CTNNA3: variants seen among roughly 807,000 people sequenced by gnomAD.
The protein encoded by CTNNA3 is catenin alpha-3.
Under a neutral mutation model 95.7 loss-of-function variants are expected in CTNNA3, and 76 were observed. The ratio of observed to expected loss-of-function variants is 0.79; its 90% CI spans 0.66 to 0.96. CTNNA3 has a LOEUF of 0.96. CTNNA3 is among the 40% of genes least tolerant of loss of function. The pLI is 0.00. For missense variants in CTNNA3, 1,191 were observed against 1,089.8 expected, an observed-to-expected ratio of 1.09 and a Z score of -1.31; for synonymous variants, 431 against 374.4, an observed-to-expected ratio of 1.15 and a Z score of -1.74.
intron 13 of CTNNA3, among the ~76,000 whole-genome samples, chr10:66,105,278 G>A (rs187691368): frequency 1.5e-3 from 235 of 152,134 alleles, no homozygotes; most frequent in Non-Finnish European, 2.6e-3. Flanking sequence ...ATCATATATC[G>A]CATTATTAGC....
intron 12 of CTNNA3, among the ~76,000 whole-genome samples, chr10:66,358,931 A>G (rs964609410): frequency 1.3e-5 from 2 of 152,100 alleles, no homozygotes; most frequent in African/African-American, 4.8e-5. Context: ...TTTTGCCCCT[A>G]TTCATTTTGT....
At chr10:66,334,790 A>G (rs1018241497) in intron 12 of CTNNA3, among the ~76,000 whole-genome samples, 2 of 151,956 alleles carry the variant, frequency 1.3e-5, no homozygotes, top group Non-Finnish European at 2.9e-5. Flanking sequence ...GCCTTGCTAG[A>G]TTGGGGAAGT....
At chr10:66,037,642 T>C (rs945885785) in intron 15 of CTNNA3, among the ~76,000 whole-genome samples, 2 of 147,104 alleles carry the variant, frequency 1.4e-5, no homozygotes, top group African/African-American at 5.0e-5. Context: ...CATGATATGA[T>C]ACATTCTCAT....
chr10:67,746,415 A>C (rs1416762406), intron 1 of CTNNA3, among the ~76,000 whole-genome samples: 1 of 152,154 alleles, frequency 6.6e-6, no homozygotes, highest in African/African-American at 2.4e-5. Flanking sequence ...TGAGATGGCT[A>C]ACTAGAAACA....
At chr10:66,571,850 A>G (rs1842875631) in intron 10 of CTNNA3, among the ~76,000 whole-genome samples, 2 of 152,160 alleles carry the variant, frequency 1.3e-5, no homozygotes. Flanking sequence ...CACGTCACAG[A>G]TGAAGCCGCC....
chr10:66,268,106 A>G (rs1253729667), intron 13 of CTNNA3, among the ~76,000 whole-genome samples: 1 of 152,100 alleles, frequency 6.6e-6, no homozygotes, highest in Non-Finnish European at 1.5e-5. Context: ...TGATGATAAT[A>G]ATGATGATGA....
At chr10:66,037,162 G>A (rs976603462) in intron 15 of CTNNA3, among the ~76,000 whole-genome samples, 15 of 152,066 alleles carry the variant, frequency 9.9e-5, no homozygotes, top group African/African-American at 2.9e-4. Flanking sequence ...ATGAGCCACC[G>A]TGCCTGGCCA....
chr10:66,942,683 C>T (rs1232458528), intron 7 of CTNNA3, among the ~76,000 whole-genome samples: 2 of 151,748 alleles, frequency 1.3e-5, no homozygotes, highest in African/African-American at 4.8e-5. Context: ...CTTTCTCTAC[C>T]CCAAACATGG....
chr10:66,427,269 GC>G (rs1448312036), intron 11 of CTNNA3, among the ~76,000 whole-genome samples: 6 of 151,790 alleles, frequency 4.0e-5, no homozygotes, highest in African/African-American at 1.5e-4. Context: ...TCTTCTCACT[GC>G]CATGTGTTTC....
At chr10:66,930,615 A>G (rs1847323530) in intron 7 of CTNNA3, among the ~76,000 whole-genome samples, 1 of 152,156 alleles carries the variant, frequency 6.6e-6, no homozygotes, top group Admixed American at 6.5e-5. Context: ...AGGAATACTT[A>G]TATTTTTGAA....
chr10:66,566,448 A>G (rs1298826180), intron 10 of CTNNA3, among the ~76,000 whole-genome samples: 3 of 152,228 alleles, frequency 2.0e-5, no homozygotes, highest in Non-Finnish European at 2.9e-5. Context: ...CCAGATTGAA[A>G]TGCAGCTTAG....
At chr10:67,017,149 G>A (rs1241299696) in intron 7 of CTNNA3, among the ~76,000 whole-genome samples, 1 of 152,146 alleles carries the variant, frequency 6.6e-6, no homozygotes, top group African/African-American at 2.4e-5. Flanking sequence ...TATATTCATA[G>A]TATGAAAATA....
intron 11 of CTNNA3, among the ~76,000 whole-genome samples, chr10:66,485,477 A>G (rs1425964171): frequency 1.3e-5 from 2 of 152,114 alleles, no homozygotes; most frequent in African/African-American, 2.4e-5. Flanking sequence ...AAATTAAGAA[A>G]ACAATGTCAT....
intron 5 of CTNNA3, among the ~76,000 whole-genome samples, chr10:67,481,632 G>C (rs1848231969): frequency 6.6e-6 from 1 of 152,160 alleles, no homozygotes; most frequent in Non-Finnish European, 1.5e-5. Flanking sequence ...ACTGCTCATT[G>C]TAGATTCTGG....
At chr10:67,619,119 CAT>C (rs1201838787) in intron 2 of CTNNA3, among the ~76,000 whole-genome samples, 4 of 152,132 alleles carry the variant, frequency 2.6e-5, no homozygotes, top group Admixed American at 6.5e-5. Context: ...ACAAAGATAC[CAT>C]TGATCATCTT....
chr10:67,646,000 A>G (rs1839694903), intron 2 of CTNNA3, among the ~76,000 whole-genome samples: 1 of 148,694 alleles, frequency 6.7e-6, no homozygotes, highest in Non-Finnish European at 1.5e-5. Context: ...TATATTCTTT[A>G]ATATTACAAA....
intron 5 of CTNNA3, among the ~76,000 whole-genome samples, chr10:67,481,101 T>C (rs2133052311): frequency 6.6e-6 from 1 of 152,280 alleles, no homozygotes; most frequent in East Asian, 1.9e-4. Flanking sequence ...ATCACATTTT[T>C]TTTGTACATG....
chr10:66,315,394 T>TG (rs2092087305), intron 12 of CTNNA3, among the ~76,000 whole-genome samples: 1 of 151,994 alleles, frequency 6.6e-6, no homozygotes, highest in African/African-American at 2.4e-5. Context: ...AAGAAAGGTC[T>TG]TATACCCATT....
intron 7 of CTNNA3, among the ~76,000 whole-genome samples, chr10:66,826,927 C>T (rs561783512): frequency 6.6e-6 from 1 of 152,322 alleles, no homozygotes; most frequent in East Asian, 1.9e-4. Context: ...TCCAGCCTGG[C>T]TCTTTCATCT....
Sources: allele counts gnomAD v4.1 joint callset (sites outside exome capture counted in the v4.1 genomes callset), GRCh38; gene constraint gnomAD v4.1.1; transcripts MANE v1.5; gene names NCBI Gene and HGNC (gene_info 2026-07-23, HGNC 2026-07-21).